Variants in ANK2 observed in about 807,000 individuals in gnomAD.
ANK2 encodes the protein ankyrin-2.
In ANK2, 83 loss-of-function variants were observed where a neutral mutation model predicts 360.5. That is an observed-to-expected ratio of 0.23 (90% CI 0.19 to 0.28). ANK2 has a LOEUF of 0.28. ANK2 is among the 10% of genes least tolerant of loss of function. The pLI is 1.00. For synonymous variants in ANK2, 1,740 were observed against 1,759.5 expected (o/e 0.99, Z 0.28); for missense variants, 4,201 against 4,795.7 (o/e 0.88, Z 3.66).
chr4:113,318,672 G>A (rs1310192722), intron 26 of ANK2, 52 bp downstream of exon 26: 2 of 1,463,180 alleles, frequency 1.4e-6, no homozygotes, highest in Non-Finnish European at 1.9e-6. Context: ...AGAGATGGGA[G>A]TGAAAACAAC....
intron 1 of ANK2, among the ~76,000 whole-genome samples, chr4:113,125,175 G>T (rs2095590184): frequency 6.6e-6 from 1 of 152,000 alleles, no homozygotes; most frequent in African/African-American, 2.4e-5. Flanking sequence ...GACTGAAAAT[G>T]ACCTCTCTTT....
intron 2 of ANK2, among the ~76,000 whole-genome samples, chr4:112,946,430 A>G (rs1185871345): frequency 1.3e-5 from 2 of 152,190 alleles, no homozygotes; most frequent in African/African-American, 4.8e-5. Flanking sequence ...TGTAAATTGA[A>G]GACTGTCTAT....
At chr4:112,921,346 A>G (rs2091446363) in intron 2 of ANK2, among the ~76,000 whole-genome samples, 1 of 126,994 alleles carries the variant, frequency 7.9e-6, no homozygotes, top group South Asian at 2.5e-4. Flanking sequence ...TTATTTTCTT[A>G]TGAGAAATAT....
intron 1 of ANK2, among the ~76,000 whole-genome samples, chr4:113,060,044 T>A (rs972699460): frequency 6.6e-6 from 1 of 152,146 alleles, no homozygotes; most frequent in Non-Finnish European, 1.5e-5. Flanking sequence ...ACTGCGATTA[T>A]CCCAGAGTCA....
chr4:113,010,204 T>C (rs944030459), intron 2 of ANK2, among the ~76,000 whole-genome samples: 6 of 152,188 alleles, frequency 3.9e-5, no homozygotes, highest in Non-Finnish European at 7.4e-5. Flanking sequence ...ATAAGTACTC[T>C]GAGAGAAGTG....
intron 1 of ANK2, among the ~76,000 whole-genome samples, chr4:112,831,190 G>A (rs6823719): frequency 0.097 from 14,830 of 152,280 alleles, 1,037 homozygotes; most frequent in African/African-American, 0.2. Flanking sequence ...TGAGGAGTGC[G>A]GGCACGCGGC....
At chr4:113,322,017 C>T (rs772468220) in intron 26 of ANK2, among the ~76,000 whole-genome samples, 9 of 152,166 alleles carry the variant, frequency 5.9e-5, no homozygotes, top group Admixed American at 1.3e-4. Context: ...TAGGCGTGAA[C>T]CACCGTGCCC....
At chr4:113,158,507 AAAAT>A (rs2097385201) in intron 1 of ANK2, among the ~76,000 whole-genome samples, 1 of 152,160 alleles carries the variant, frequency 6.6e-6, no homozygotes, top group African/African-American at 2.4e-5. Flanking sequence ...ATGTGAAAAA[AAAAT>A]AAACCAAATC....
chr4:112,895,492 G>C (rs981725313), intron 1 of ANK2, among the ~76,000 whole-genome samples: 2 of 152,080 alleles, frequency 1.3e-5, no homozygotes, highest in Non-Finnish European at 2.9e-5. Flanking sequence ...GGTGCTGAAC[G>C]CCATGGATTT....
chr4:113,179,701 T>A (rs1467715957), intron 2 of ANK2, among the ~76,000 whole-genome samples: 4 of 152,222 alleles, frequency 2.6e-5, no homozygotes, highest in Non-Finnish European at 5.9e-5. Flanking sequence ...AAAGACTTAC[T>A]TTCTTACCTA....
At chr4:112,960,487 C>T (rs17008019) in intron 2 of ANK2, among the ~76,000 whole-genome samples, 3 of 151,886 alleles carry the variant, frequency 2.0e-5, no homozygotes, top group Non-Finnish European at 2.9e-5. Context: ...CAAATGTAAT[C>T]GCTGTTTTGT....
At chr4:113,312,620 T>C (rs919680969) in intron 24 of ANK2, among the ~76,000 whole-genome samples, 1 of 152,122 alleles carries the variant, frequency 6.6e-6, no homozygotes, top group African/African-American at 2.4e-5. Flanking sequence ...GGCTCTAGCT[T>C]CCTGGAGCAG....
At chr4:112,987,467 G>C (rs984770646) in intron 2 of ANK2, among the ~76,000 whole-genome samples, 30 of 152,172 alleles carry the variant, frequency 2.0e-4, no homozygotes, top group Admixed American at 2.6e-4. Context: ...TTAGAAGGCA[G>C]GTCTTTGGGG....
At chr4:112,923,641 G>C (rs1233119890) in intron 2 of ANK2, among the ~76,000 whole-genome samples, 1 of 152,066 alleles carries the variant, frequency 6.6e-6, no homozygotes, top group African/African-American at 2.4e-5. Context: ...TACTCCCAAA[G>C]GGCCAAGTGC....
the ANK2 span, among the ~76,000 whole-genome samples, chr4:112,787,332 C>A: frequency 6.6e-6 from 1 of 152,170 alleles, no homozygotes; most frequent in Non-Finnish European, 1.5e-5. Flanking sequence ...CCTCGATAAA[C>A]CCTCTATTCA....
At chr4:113,223,059 C>T (rs2099169336) in intron 4 of ANK2, among the ~76,000 whole-genome samples, 1 of 152,172 alleles carries the variant, frequency 6.6e-6, no homozygotes, top group African/African-American at 2.4e-5. Flanking sequence ...TTTTTACATC[C>T]TTTGCAGCTG....
intron 1 of ANK2, among the ~76,000 whole-genome samples, chr4:113,096,918 A>G (rs1306040515): frequency 6.6e-6 from 1 of 151,298 alleles, no homozygotes; most frequent in Non-Finnish European, 1.5e-5. Flanking sequence ...GCTAAGACCT[A>G]CTCCATTATA....
At chr4:113,083,472 G>A (rs1287662219) in intron 1 of ANK2, among the ~76,000 whole-genome samples, 1 of 152,136 alleles carries the variant, frequency 6.6e-6, no homozygotes, top group East Asian at 1.9e-4. Context: ...ACTGCACCTG[G>A]CTCTGTAATC....
At chr4:112,820,610 T>G (rs536295843) in intron 1 of ANK2, among the ~76,000 whole-genome samples, 3 of 152,360 alleles carry the variant, frequency 2.0e-5, no homozygotes, top group African/African-American at 7.2e-5. Flanking sequence ...AATTTTGTGT[T>G]TTTAAATTAG....
Sources: gnomAD v4.1 joint callset for allele counts (sites outside exome capture counted in the v4.1 genomes callset) on GRCh38, gnomAD v4.1.1 for gene constraint, MANE v1.5 for transcripts, NCBI Gene and HGNC (gene_info 2026-07-23, HGNC 2026-07-21) for gene names.